XIRP2: variants seen among roughly 807,000 people sequenced by gnomAD.
XIRP2 encodes the protein xin actin-binding repeat-containing protein 2.
Under a neutral mutation model 277.0 loss-of-function variants are expected in XIRP2, and 236 were observed. That is an observed-to-expected ratio of 0.85 (90% confidence interval 0.77 to 0.95). The LOEUF (loss-of-function observed/expected upper bound fraction) is 0.95. Ranked by LOEUF, XIRP2 falls within the 40% of genes least tolerant of loss-of-function variation. The probability of loss-of-function intolerance (pLI) is 0.00; values close to 1 mark genes in which losing one functional copy is unlikely to be tolerated. For synonymous variants in XIRP2, 1,490 were observed against 1,416.5 expected (o/e 1.05, Z -1.17); for missense variants, 4,640 against 4,157.5 (o/e 1.12, Z -3.19).
chr2:167,065,188 A>G (rs1273786149), intron 2 of XIRP2, among the ~76,000 whole-genome samples: 1 of 151,926 alleles, frequency 6.6e-6, no homozygotes, highest in Admixed American at 6.6e-5. Flanking sequence ...TTTTGACAGT[A>G]GCCAATCTAA....
intron 2 of XIRP2, among the ~76,000 whole-genome samples, chr2:166,997,890 A>G: frequency 6.6e-6 from 1 of 150,818 alleles, no homozygotes; most frequent in Non-Finnish European, 1.5e-5. Flanking sequence ...CTGGTGAAAG[A>G]GCGAGACTCC....
chr2:166,976,901 T>C (rs1686731364), intron 2 of XIRP2, among the ~76,000 whole-genome samples: 1 of 152,206 alleles, frequency 6.6e-6, no homozygotes, highest in Non-Finnish European at 1.5e-5. Flanking sequence ...TGTGAAAGTC[T>C]ATGGCAATGA....
At chr2:167,047,936 A>G (rs1688826375) in intron 2 of XIRP2, among the ~76,000 whole-genome samples, 2 of 152,030 alleles carry the variant, frequency 1.3e-5, no homozygotes, top group Non-Finnish European at 1.5e-5. Context: ...TTAATCCTAG[A>G]TAACCAAACC....
At chr2:167,035,857 T>C (rs1267246954) in intron 2 of XIRP2, among the ~76,000 whole-genome samples, 4 of 152,198 alleles carry the variant, frequency 2.6e-5, no homozygotes, top group Non-Finnish European at 5.9e-5. Flanking sequence ...ATGGCCCCTA[T>C]GCTTTGTGCA....
chr2:166,979,369 C>CTTTTCTTTTTT (rs1173291393), intron 2 of XIRP2, among the ~76,000 whole-genome samples: 10 of 108,520 alleles, frequency 9.2e-5, no homozygotes, highest in Non-Finnish European at 1.3e-4. Context: ...CTTTTCTTTT[C>CTTTTCTTTTTT]TTTTTTTTTT....
At chr2:167,028,714 G>GC (rs1379506515) in intron 2 of XIRP2, among the ~76,000 whole-genome samples, 4 of 151,632 alleles carry the variant, frequency 2.6e-5, no homozygotes, top group African/African-American at 9.7e-5. Flanking sequence ...CACCAAATGA[G>GC]CTAAATAAGG....
intron 2 of XIRP2, among the ~76,000 whole-genome samples, chr2:166,977,053 A>G (rs1293346328): frequency 6.6e-6 from 1 of 152,170 alleles, no homozygotes; most frequent in Admixed American, 6.5e-5. Flanking sequence ...TGCCCCAGTA[A>G]TCAACCATTG....
chr2:166,954,978 G>T (rs1187502734), intron 2 of XIRP2, among the ~76,000 whole-genome samples: 1 of 151,760 alleles, frequency 6.6e-6, no homozygotes, highest in African/African-American at 2.4e-5. Flanking sequence ...TAATACCTAG[G>T]TGATGGGTTG....
At chr2:166,905,876 T>A (rs544951208) in intron 2 of XIRP2, among the ~76,000 whole-genome samples, 1 of 152,094 alleles carries the variant, frequency 6.6e-6, no homozygotes, top group East Asian at 1.9e-4. Context: ...TTCAACCAAA[T>A]TTAAAATTAT....
At chr2:166,922,710 C>G (rs186973246) in intron 2 of XIRP2, among the ~76,000 whole-genome samples, 205 of 150,788 alleles carry the variant, frequency 1.4e-3, no homozygotes, top group Non-Finnish European at 2.5e-3. Flanking sequence ...AAGCCGAGAT[C>G]ACACCACTGC....
intron 3 of XIRP2, among the ~76,000 whole-genome samples, chr2:167,154,719 G>A (rs1208106774): frequency 3.3e-5 from 5 of 151,862 alleles, no homozygotes; most frequent in Admixed American, 1.3e-4. Flanking sequence ...TTCAAAAGCT[G>A]GCAGAAGGCA....
chr2:167,179,250 T>A (rs1692939191), intron 3 of XIRP2, among the ~76,000 whole-genome samples: 1 of 152,088 alleles, frequency 6.6e-6, no homozygotes, highest in Non-Finnish European at 1.5e-5. Context: ...CTTGGAATCT[T>A]CTTTTGTGAG....
chr2:167,091,883 G>A (rs1425423817), intron 2 of XIRP2, among the ~76,000 whole-genome samples: 1 of 152,006 alleles, frequency 6.6e-6, no homozygotes, highest in African/African-American at 2.4e-5. Flanking sequence ...GTCAGGTCAC[G>A]TTTCCTTTAG....
chr2:166,937,103 GC>G (rs1259068435), intron 2 of XIRP2, among the ~76,000 whole-genome samples: 1 of 151,940 alleles, frequency 6.6e-6, no homozygotes, highest in Non-Finnish European at 1.5e-5. Flanking sequence ...CTGCCTGATT[GC>G]CCTGGCCAGA....
chr2:166,939,547 G>A (rs1005724383), intron 2 of XIRP2, among the ~76,000 whole-genome samples: 1 of 151,338 alleles, frequency 6.6e-6, no homozygotes, highest in African/African-American at 2.4e-5. Context: ...GGGCGTGGTG[G>A]TGGCCTCCTG....
intron 2 of XIRP2, among the ~76,000 whole-genome samples, chr2:166,912,618 A>T (rs531037520): frequency 2.0e-5 from 3 of 152,306 alleles, no homozygotes; most frequent in African/African-American, 7.2e-5. Context: ...CGTCAAATTC[A>T]TTCTCCATCC....
intron 2 of XIRP2, among the ~76,000 whole-genome samples, chr2:166,987,957 T>A (rs1687051467): frequency 6.6e-6 from 1 of 152,190 alleles, no homozygotes; most frequent in Admixed American, 6.5e-5. Flanking sequence ...TTCCAAGTAA[T>A]TTCTATAGAA....
chr2:167,227,263 G>A (rs1207160380), intron 5 of XIRP2, among the ~76,000 whole-genome samples: 1 of 152,112 alleles, frequency 6.6e-6, no homozygotes, highest in Non-Finnish European at 1.5e-5. Flanking sequence ...TCCAGAGAAA[G>A]CAAAGGCTTA....
intron 2 of XIRP2, among the ~76,000 whole-genome samples, chr2:166,948,550 G>A (rs1395994785): frequency 6.6e-6 from 1 of 151,918 alleles, no homozygotes; most frequent in Non-Finnish European, 1.5e-5. Context: ...TAATCTTTGT[G>A]GGCTAAGAAT....
Sources: gnomAD v4.1 joint callset for allele counts (sites outside exome capture counted in the v4.1 genomes callset) on GRCh38, gnomAD v4.1.1 for gene constraint, MANE v1.5 for transcripts, NCBI Gene and HGNC (gene_info 2026-07-23, HGNC 2026-07-21) for gene names.